Variants in FGF12 observed in about 807,000 individuals in gnomAD.
FGF12 encodes the protein fibroblast growth factor 12B.
Under a neutral mutation model 23.6 loss-of-function variants are expected in FGF12, and 14 were observed. The observed-to-expected ratio is 0.59, with a 90% confidence interval of 0.39 to 0.93. The LOEUF is 0.93. FGF12 is among the 40% of genes least tolerant of loss of function. FGF12 has a pLI of 0.00. For synonymous variants in FGF12, 62 were observed against 77.3 expected (o/e 0.80, Z 1.04); for missense variants, 175 against 217.8 (o/e 0.80, Z 1.24).
At chr3:192,499,517 T>TATATATATATATA (rs57936647) in intron 2 of FGF12, among the ~76,000 whole-genome samples, 5 of 20,074 alleles carry the variant, frequency 2.5e-4, no homozygotes, top group African/African-American at 6.1e-4. Flanking sequence ...TATATATATA[T>TATATATATATATA]TTTTTTTTTT....
intron 5 of FGF12, among the ~76,000 whole-genome samples, chr3:192,163,682 T>G (rs888370098): frequency 2.0e-5 from 3 of 152,126 alleles, no homozygotes; most frequent in African/African-American, 7.2e-5. Context: ...ATCTGTTAGC[T>G]TCTAGGAACA....
intron 2 of FGF12, among the ~76,000 whole-genome samples, chr3:192,551,194 C>A (rs972476466): frequency 6.6e-5 from 10 of 152,148 alleles, no homozygotes; most frequent in Non-Finnish European, 1.0e-4. Context: ...CGTATTAACT[C>A]CAGCTTTCTA....
At chr3:192,264,119 A>C (rs1712929151) in intron 4 of FGF12, among the ~76,000 whole-genome samples, 1 of 152,082 alleles carries the variant, frequency 6.6e-6, no homozygotes, top group Non-Finnish European at 1.5e-5. Context: ...ATATCTCATT[A>C]TGACTTAGAT....
chr3:192,571,940 CT>C (rs1303004076), intron 2 of FGF12, among the ~76,000 whole-genome samples: 1 of 106,516 alleles, frequency 9.4e-6, no homozygotes, highest in Non-Finnish European at 1.9e-5. Flanking sequence ...AGCACTATTG[CT>C]GTTTTTTTTT....
chr3:192,547,063 G>C (rs944865177), intron 2 of FGF12, among the ~76,000 whole-genome samples: 1 of 152,076 alleles, frequency 6.6e-6, no homozygotes, highest in Non-Finnish European at 1.5e-5. Flanking sequence ...AAAAACAATA[G>C]TGGGGCAAGA....
intron 2 of FGF12, among the ~76,000 whole-genome samples, chr3:192,642,733 C>T (rs1245736577): frequency 6.6e-6 from 1 of 152,182 alleles, no homozygotes; most frequent in Non-Finnish European, 1.5e-5. Context: ...AAGAGAATTT[C>T]CAATTAAATG....
At chr3:192,611,786 G>T (rs532619635) in intron 2 of FGF12, among the ~76,000 whole-genome samples, 2 of 152,162 alleles carry the variant, frequency 1.3e-5, no homozygotes, top group East Asian at 3.9e-4. Flanking sequence ...ATGCTGTCTA[G>T]TCAGAGCTAT....
intron 2 of FGF12, among the ~76,000 whole-genome samples, chr3:192,504,170 G>A (rs1229625200): frequency 1.3e-5 from 2 of 152,016 alleles, no homozygotes; most frequent in Non-Finnish European, 1.5e-5. Flanking sequence ...GAGGAACCAC[G>A]GACGCCAGGG....
chr3:192,606,424 A>C (rs1374862394), intron 2 of FGF12, among the ~76,000 whole-genome samples: 1 of 152,154 alleles, frequency 6.6e-6, no homozygotes, highest in African/African-American at 2.4e-5. Flanking sequence ...ATTGTGTATT[A>C]TGTTCAGTAC....
At chr3:192,516,859 G>A (rs1229393271) in intron 2 of FGF12, 2 of 152,216 alleles carry the variant, frequency 1.3e-5, no homozygotes, top group South Asian at 2.1e-4. Flanking sequence ...CCTGAGCCAT[G>A]GTCTTCATCT....
chr3:192,343,794 G>C (rs1046887602), intron 3 of FGF12, among the ~76,000 whole-genome samples: 2 of 152,112 alleles, frequency 1.3e-5, no homozygotes, highest in Non-Finnish European at 2.9e-5. Context: ...CTGAAAACTA[G>C]GGATTCATAG....
intron 4 of FGF12, among the ~76,000 whole-genome samples, chr3:192,252,028 A>G (rs1414405691): frequency 1.3e-5 from 2 of 152,190 alleles, no homozygotes; most frequent in Non-Finnish European, 2.9e-5. Flanking sequence ...GAACACCAAC[A>G]AACAAGATGA....
rs762484868 is a variant in FGF12, at chr3:192,290,636, C to T, written c.228+44725G>A. On this transcript the variant is annotated intron_variant, in intron 4 of 5. Coordinates refer to ENST00000445105, the MANE Select transcript of FGF12 (RefSeq NM_004113.6). ...ATTCATTTGCCCAAGTTGTGCTGCT[C>T]GTGAGTAGCAGGGATGGGACTTGAC... Among the ~76,000 whole-genome samples the T allele has an allele frequency of 4.2e-4, 64 of 152,204 alleles. 1 individual carries two copies. The highest frequency in any genetic ancestry group is 5.2e-4 in the Admixed American group (8 of 15,262).
At chr3:192,357,243 G>T (rs944584771) in intron 3 of FGF12, among the ~76,000 whole-genome samples, 2 of 152,164 alleles carry the variant, frequency 1.3e-5, no homozygotes, top group African/African-American at 4.8e-5. Context: ...CAGCACTTTG[G>T]GAGGCCGAGG....
chr3:192,370,891 C>T (rs1437478729), intron 2 of FGF12, among the ~76,000 whole-genome samples: 4 of 152,226 alleles, frequency 2.6e-5, no homozygotes, highest in African/African-American at 9.6e-5. Flanking sequence ...AATCAATCGT[C>T]ATCTTCCTAA....
intron 2 of FGF12, among the ~76,000 whole-genome samples, chr3:192,450,657 G>A (rs57308380): frequency 0.075 from 11,451 of 152,222 alleles, 1,373 homozygotes; most frequent in African/African-American, 0.25. Flanking sequence ...TATAGAAAGA[G>A]AAGTTGGCAC....
rs1723655406 is a variant in FGF12 at position 192,487,011 on chromosome 3, A to C, written c.14-126473T>G. Among the ~76,000 whole-genome samples, 3 of 151,976 alleles carry C rather than the reference A, an allele frequency of 2.0e-5. No individual in the cohort carries two copies. In the South Asian group the frequency reaches 6.2e-4, roughly 32 times the overall value. On this transcript the variant is annotated intron_variant, in intron 2 of 5. Transcript: ENST00000445105. ...TTGGATTTGTTTTACTATTATTATT[A>C]TTATTATTTTCTGGAAGATCCAGTA...
chr3:192,725,173 AAAGTGAGGCCAATGTAT>A (rs1719168166), intron 2 of FGF12, among the ~76,000 whole-genome samples: 1 of 152,224 alleles, frequency 6.6e-6, no homozygotes, highest in African/African-American at 2.4e-5. Flanking sequence ...ACCAACTTAG[AAAGTGAGGCCAATGTAT>A]AAGTAATTAG....
At chr3:192,464,499 G>GGTGTGTGTGTGTGTGT (rs34803297) in intron 2 of FGF12, among the ~76,000 whole-genome samples, 1 of 132,606 alleles carries the variant, frequency 7.5e-6, no homozygotes, top group Non-Finnish European at 1.6e-5. Flanking sequence ...AGTATTCCAT[G>GGTGTGTGTGTGTGTGT]GTGTGTGTGT....
Sources: allele counts gnomAD v4.1 joint callset (sites outside exome capture counted in the v4.1 genomes callset), GRCh38; gene constraint gnomAD v4.1.1; transcripts MANE v1.5; gene names NCBI Gene and HGNC (gene_info 2026-07-23, HGNC 2026-07-21).